The following CARM1 variants were observed in gnomAD, a reference collection of about 807,000 sequenced individuals.
The protein encoded by CARM1 is histone-arginine methyltransferase CARM1.
A neutral mutation model predicts 72.7 loss-of-function variants in CARM1; 14 were observed. The observed-to-expected ratio is 0.19, with a 90% confidence interval of 0.13 to 0.30. CARM1 has a LOEUF of 0.30. CARM1 is among the 10% of genes least tolerant of loss of function. The pLI is 1.00. For synonymous variants in CARM1, 333 were observed against 345.5 expected, an observed-to-expected ratio of 0.96 and a Z score of 0.40; for missense variants, 432 against 833.7, an observed-to-expected ratio of 0.52 and a Z score of 5.93.
chr19:10,882,267 A>G (rs967528626), intron 1 of CARM1, among the ~76,000 whole-genome samples: 2 of 152,198 alleles, frequency 1.3e-5, no homozygotes, highest in African/African-American at 4.8e-5. Flanking sequence ...GGCCAAGGGC[A>G]TGCAGTGGGG....
chr19:10,898,210 G>C (rs2074037950), intron 1 of CARM1, among the ~76,000 whole-genome samples: 1 of 152,158 alleles, frequency 6.6e-6, no homozygotes, highest in Admixed American at 6.5e-5. Flanking sequence ...GGGAGGCTGA[G>C]ACAGGAGAAT....
chr19:10,872,543 C>T (rs533358516), intron 1 of CARM1, among the ~76,000 whole-genome samples: 2 of 152,152 alleles, frequency 1.3e-5, no homozygotes, highest in East Asian at 1.9e-4. Flanking sequence ...GGGTGAGCTC[C>T]TCGTGGAAAC....
In CARM1 at chr19:10,921,771, GGACT is replaced by G; in HGVS notation, c.*18_*21del. 6.4e-7 allele frequency: 1 copy of G among 1,574,254 alleles called. No homozygotes were observed. Among genetic ancestry groups the G allele is most frequent in the Non-Finnish European group, 8.7e-7 (1 of 1,155,104 alleles). On this transcript the variant is annotated 3_prime_UTR_variant, in exon 16 of 16. Coordinates refer to ENST00000327064, the MANE Select transcript of CARM1 (RefSeq NM_199141.2). Reference sequence around the variant, plus strand: ...TACGGGAGCTAGGGGCCCGCCCCGCGGACTGACAGCACCAGGAAACCAAATGATG... The same window carrying G: ...TACGGGAGCTAGGGGCCCGCCCCGCGGACAGCACCAGGAAACCAAATGATG...
At chr19:10,910,067 T>A (rs2074136895) in intron 4 of CARM1, among the ~76,000 whole-genome samples, 1 of 152,124 alleles carries the variant, frequency 6.6e-6, no homozygotes, top group Non-Finnish European at 1.5e-5. Context: ...CTCTCCAGGC[T>A]GAGCCAAAGT....
chr19:10,896,004 G>T lies in CARM1; in HGVS notation c.221-8947G>T, dbSNP rs1378807517. On this transcript the variant is annotated intron_variant, in intron 1 of 15. Coordinates refer to ENST00000327064, the MANE Select transcript of CARM1 (RefSeq NM_199141.2). The surrounding 1 kb of genome is among the most constrained non-coding windows in gnomAD (Gnocchi z 5.2). ...TGAAGGCCAGCGAGGTTTGGCTGGA[G>T]TGACCCAGGGGGCAGCAGTGAGACT... Among the ~76,000 whole-genome samples, 2 of 152,122 alleles carry T rather than the reference G, an allele frequency of 1.3e-5. No homozygotes were observed.
chr19:10,871,916 T>C lies in CARM1; in HGVS notation c.214T>C (p.Tyr72His). 1 of 1,202,434 alleles carries C rather than the reference T, an allele frequency of 8.3e-7. No individual in the cohort carries two copies. The allele number at this position is 1,202,434 out of a possible 1,614,324, so 74.5% of individuals were successfully genotyped here. A position where few individuals can be genotyped will look rare whatever the true frequency, so the allele number is the denominator to read the frequency against. The change falls in exon 1 of 16, where the codon TAC (tyrosine) becomes CAC (histidine). Residue 72 changes from tyrosine (Y) to histidine (H), a missense_variant. Transcript: ENST00000327064. This position sits in a 1 kb window ranked among gnomAD's most constrained non-coding sequence, Gnocchi z 5.6. ...AGPDSAGIAL[Y>H]SHEDVCVFKC... Reference sequence around the variant, plus strand: ...CCCGGACTCGGCGGGCATCGCCCTCTACAGCCGTGAGTACGGGGCCCCGGG... The same window carrying C: ...CCCGGACTCGGCGGGCATCGCCCTCCACAGCCGTGAGTACGGGGCCCCGGG...
intron 1 of CARM1, among the ~76,000 whole-genome samples, chr19:10,901,312 T>G (rs1023715160): frequency 6.8e-4 from 103 of 150,826 alleles, no homozygotes; most frequent in African/African-American, 2.5e-3. Context: ...TGTTTTTGTT[T>G]TTGTTTTTTT....
At chr19:10,900,561 T>C (rs190868542) in intron 1 of CARM1, among the ~76,000 whole-genome samples, 1 of 152,360 alleles carries the variant, frequency 6.6e-6, no homozygotes, top group East Asian at 1.9e-4. Flanking sequence ...TAAGCCATAT[T>C]TGTTTATCTG....
intron 1 of CARM1, among the ~76,000 whole-genome samples, chr19:10,883,181 A>G (rs2073914722): frequency 6.6e-6 from 1 of 152,116 alleles, no homozygotes; most frequent in African/African-American, 2.4e-5. Context: ...GTTTCCTCCC[A>G]TTAAATGGAG....
At chr19:10,908,842 TCTC>T (rs1423744284) in intron 3 of CARM1, 1 of 353,240 alleles carries the variant, frequency 2.8e-6, no homozygotes, top group Non-Finnish European at 5.3e-6. Context: ...AATCTTGAGT[TCTC>T]CTGGGCGGCT....
chr19:10,909,060 G>A (rs372014457), intron 3 of CARM1, 43 bp from the exon 4 acceptor site: 38 of 1,482,720 alleles, frequency 2.6e-5, no homozygotes, highest in South Asian at 9.1e-5. Flanking sequence ...TGGCTGCCTC[G>A]TGCCACCATG....
intron 1 of CARM1, among the ~76,000 whole-genome samples, chr19:10,894,803 C>T (rs960699523): frequency 6.7e-6 from 1 of 149,006 alleles, no homozygotes; most frequent in Non-Finnish European, 1.5e-5. Flanking sequence ...TGCAGTGGCA[C>T]GATCTCAGCT....
At chr19:10,906,321 G>A (rs1161799336) in intron 2 of CARM1, among the ~76,000 whole-genome samples, 1 of 152,110 alleles carries the variant, frequency 6.6e-6, no homozygotes, top group Non-Finnish European at 1.5e-5. Context: ...TTTAAAAGTT[G>A]TGCTAAAATC....
intron 6 of CARM1, among the ~76,000 whole-genome samples, chr19:10,914,432 A>T (rs144177303): frequency 4.4e-4 from 67 of 152,278 alleles, no homozygotes; most frequent in Middle Eastern, 6.8e-3. Flanking sequence ...GGGGTGGGCG[A>T]GCATGTGTGC....
In CARM1 at chr19:10,920,463, G is replaced by C. The variant is rs199558419; in HGVS notation, c.1224G>C (p.Pro408=). 1 of 1,613,200 alleles carries C rather than the reference G, an allele frequency of 6.2e-7. No homozygotes were observed. The highest frequency in any genetic ancestry group is 1.7e-5 in the Admixed American group (1 of 59,968). The stretch of plus-strand genomic sequence containing the variant: ...TGACCGTGTGGCTGTCCACAGCCCC[G>C]ACAGAGCCCCTGACCCACTGGTACC... The part of the protein sequence containing the change: ...SIMTVWLSTA[P]TEPLTHWYQV... The change falls in exon 11 of 16, where the codon CCG becomes CCC. Residue 408 remains proline, a synonymous_variant. Coordinates refer to ENST00000327064, the MANE Select transcript of CARM1 (RefSeq NM_199141.2). The surrounding 1 kb of genome is among the most constrained non-coding windows in gnomAD (Gnocchi z 5.3).
rs7257708 is a variant in CARM1, at chr19:10,905,095, A to C, written c.346+19A>C. Reference sequence around the variant, plus strand: ...CCCAACGGTACGTGGCCCTCCTTCCATTCCGGTGACACCAGCCCAAAGCGC... The same window carrying C: ...CCCAACGGTACGTGGCCCTCCTTCCCTTCCGGTGACACCAGCCCAAAGCGC... On this transcript the variant is annotated intron_variant, in intron 2 of 15. Coordinates refer to ENST00000327064, the MANE Select transcript of CARM1 (RefSeq NM_199141.2). 3 of 1,610,906 alleles carry C rather than the reference A, an allele frequency of 1.9e-6. No homozygotes were observed. The highest frequency in any genetic ancestry group is 2.5e-6 in the Non-Finnish European group (3 of 1,178,888).
intron 1 of CARM1, among the ~76,000 whole-genome samples, chr19:10,893,280 A>AC (rs2145204747): frequency 6.6e-6 from 1 of 151,608 alleles, no homozygotes; most frequent in Non-Finnish European, 1.5e-5. Flanking sequence ...CACATGATCC[A>AC]CCTGCTTCGG....
At chr19:10,880,492 G>T (rs890748939) in intron 1 of CARM1, among the ~76,000 whole-genome samples, 1 of 151,094 alleles carries the variant, frequency 6.6e-6, no homozygotes, top group African/African-American at 2.4e-5. Context: ...GACCACAGGC[G>T]CACATCACCA....
At position 10,871,678 on chromosome 19, in the gene CARM1, G is replaced by A. The variant is rs1475625482; in HGVS notation, c.-25G>A. Reference sequence around the variant, plus strand: ...TGGGCCCGGGCGCAGCGGCGGCGGCGGCGGGGCCTGGAGCCGGATCTAAGA... The same window carrying A: ...TGGGCCCGGGCGCAGCGGCGGCGGCAGCGGGGCCTGGAGCCGGATCTAAGA... On this transcript the variant is annotated 5_prime_UTR_variant, in exon 1 of 16. Coordinates refer to ENST00000327064, the MANE Select transcript of CARM1 (RefSeq NM_199141.2). The surrounding 1 kb of genome is among the most constrained non-coding windows in gnomAD (Gnocchi z 5.6). 10 of 665,290 alleles carry A rather than the reference G, an allele frequency of 1.5e-5. No homozygotes were observed. Among genetic ancestry groups the A allele is most frequent in the Non-Finnish European group, 1.8e-5 (10 of 540,964 alleles). The allele number at this position is 665,290 out of a possible 1,614,324, so 41.2% of individuals were successfully genotyped here.
Sources: allele counts gnomAD v4.1 joint callset (sites outside exome capture counted in the v4.1 genomes callset), GRCh38; gene constraint gnomAD v4.1.1; non-coding constraint Gnocchi (gnomAD v3.1); transcripts MANE v1.5; gene names NCBI Gene and HGNC (gene_info 2026-07-23, HGNC 2026-07-21).